The following GINS3 variants were observed in gnomAD, a reference collection of about 807,000 sequenced individuals.
GINS3 encodes DNA replication complex GINS protein PSF3.
GINS3 carries 18 observed loss-of-function variants against 20.0 expected under a neutral mutation model. The ratio of observed to expected loss-of-function variants is 0.90; its 90% CI spans 0.62 to 1.33. The LOEUF (loss-of-function observed/expected upper bound fraction) is 1.33, where lower values mean the gene tolerates loss of function less well. Ranked by LOEUF, GINS3 falls within the 40% of genes most tolerant of loss-of-function variation. The pLI is 0.00. For missense variants in GINS3, 254 were observed against 273.6 expected (o/e 0.93, Z 0.51); for synonymous variants, 109 against 107.0 (o/e 1.02, Z -0.12).
At chr16:58,403,656 G>A in intron 2 of GINS3, 1 of 299,092 alleles carries the variant, frequency 3.3e-6, no homozygotes, top group Non-Finnish European at 6.3e-6. Context: ...CAGCACTTTG[G>A]GAGGCCAAGG....
rs1966010560 is a variant in GINS3 at position 58,404,995 on chromosome 16, T to C, written c.*266T>C. The C allele has an allele frequency of 6.9e-6, 3 of 431,796 alleles. No homozygotes were observed. The Admixed American group carries it at 1.1e-4, about 16-fold the overall frequency. 26.7% of individuals were successfully genotyped at this position (431,796 alleles called of 1,614,324 possible). On this transcript the variant is annotated 3_prime_UTR_variant, in exon 3 of 3. Transcript: ENST00000318129. The stretch of plus-strand genomic sequence containing the variant: ...ATGGCCAAGGAGAAATCAAAGTCCT[T>C]CCTAAATAAGAATCACTGCCATATA...
intron 1 of GINS3, among the ~76,000 whole-genome samples, chr16:58,402,267 C>A (rs142557540): frequency 6.6e-6 from 1 of 152,104 alleles, no homozygotes; most frequent in African/African-American, 2.4e-5. Flanking sequence ...TTAAAGTTGG[C>A]GCCTAATTTC....
chr16:58,403,479 A>G, intron 2 of GINS3, 148 bp downstream of exon 2: 1 of 604,360 alleles, frequency 1.7e-6, no homozygotes, highest in Non-Finnish European at 2.9e-6. Context: ...TGTCCATTTT[A>G]TATATTTACA....
chr16:58,405,255 C>CTG lies in GINS3; in HGVS notation c.*526_*527insTG. 6.5e-6 allele frequency: 1 copy of CTG among 153,564 alleles called. No homozygotes were observed. Among genetic ancestry groups the CTG allele is most frequent in the East Asian group, 1.9e-4 (1 of 5,216 alleles). 9.5% of individuals were successfully genotyped at this position (153,564 alleles called of 1,614,324 possible). A position where few individuals can be genotyped will look rare whatever the true frequency, so the allele number is the denominator to read the frequency against. ...TGCTGCCTGCCTGCAGGGAGTTACC[C>CTG]CAGTTTCCAAAAACAGTCGCCCAGA... is the stretch of plus-strand genomic sequence containing the variant. On this transcript the variant is annotated 3_prime_UTR_variant, in exon 3 of 3. Transcript: ENST00000318129.
rs1215376636 is a variant in GINS3, at chr16:58,403,252, C to T, written c.341C>T (p.Pro114Leu). The change falls in exon 2 of 3, where the codon CCC becomes CTC. Residue 114 changes from proline (P) to leucine (L), a missense_variant. Transcript: ENST00000318129. Reference protein sequence around the residue: ...PNVVDLHKMGPHFYGFGSQLL... With the variant: ...PNVVDLHKMGLHFYGFGSQLL... ...GTGGTGGACCTCCACAAAATGGGGC[C>T]CCATTTCTACGGGTTTGGCTCCCAG... is the stretch of plus-strand genomic sequence containing the variant. 1.9e-6 allele frequency: 3 copies of T among 1,613,988 alleles called. No homozygotes were observed. Among genetic ancestry groups the T allele is most frequent in the African/African-American group, 2.7e-5 (2 of 74,896 alleles).
chr16:58,394,587 T>A (rs1965823447), intron 1 of GINS3, among the ~76,000 whole-genome samples: 1 of 152,178 alleles, frequency 6.6e-6, no homozygotes, highest in South Asian at 2.1e-4. Context: ...CTTCAAGTGA[T>A]CCACCCAACT....
rs1389182514 is a variant in GINS3, at chr16:58,394,271, A to T, written c.186+1484A>T. On this transcript the variant is annotated intron_variant, in intron 1 of 2. Transcript: ENST00000318129. ...TCTAATGACCTCGACGGTTTTGTGG[A>T]GTGGTGGTCAGGTATTTTGTAAAAT... 2.0e-5 allele frequency among the ~76,000 whole-genome samples: 3 copies of T among 152,114 alleles called. No homozygotes were observed. The East Asian group carries it at 5.8e-4, about 29-fold the overall frequency.
At chr16:58,392,836 C>G in intron 1 of GINS3, 49 bp downstream of exon 1, 1 of 1,512,254 alleles carries the variant, frequency 6.6e-7, no homozygotes, top group South Asian at 1.2e-5. Flanking sequence ...CAGCTCCCGG[C>G]GGGCCCCTCG....
intron 1 of GINS3, among the ~76,000 whole-genome samples, chr16:58,401,153 CCGAAGACCCT>C (rs1167833895): frequency 6.6e-6 from 1 of 152,024 alleles, no homozygotes; most frequent in African/African-American, 2.4e-5. Flanking sequence ...AAGAATGAAG[CCGAAGACCCT>C]TGTGGTGAGT....
In GINS3 at chr16:58,396,125, C is replaced by T. The variant is rs1185586908; in HGVS notation, c.186+3338C>T. On this transcript the variant is annotated intron_variant, in intron 1 of 2. Transcript: ENST00000318129. ...CCTCCCTCCCGGACGGGGCGGCTGGCTGGGTGGGGGGCTGACCCCCCCACC... is the reference window on the plus strand; with the variant it reads ...CCTCCCTCCCGGACGGGGCGGCTGGTTGGGTGGGGGGCTGACCCCCCCACC... Among the ~76,000 whole-genome samples, 3 of 137,026 alleles carry T rather than the reference C, an allele frequency of 2.2e-5. No homozygotes were observed. In the East Asian group the frequency reaches 7.0e-4, roughly 32 times the overall value. 89.9% of individuals were successfully genotyped at this position (137,026 alleles called of 152,430 possible).
At position 58,404,680 on chromosome 16, in the gene GINS3, A is replaced by G. The variant is rs771528799; in HGVS notation, c.602A>G (p.Asn201Ser). The change falls in exon 3 of 3, where the codon AAC becomes AGC. Residue 201 changes from asparagine to serine, a missense_variant. Asn to Ser is a conservative substitution (Grantham distance 46, BLOSUM62 1). Transcript: ENST00000318129. ...KGQASQITASNLVQNYKKRKF... is the reference protein window; with the variant it reads ...KGQASQITASSLVQNYKKRKF... The stretch of plus-strand genomic sequence containing the variant: ...CAGGCTTCTCAGATCACAGCTTCCA[A>G]CCTCGTTCAGAATTACAAGAAGAGA... The G allele has an allele frequency of 3.1e-6, 5 of 1,614,080 alleles. No homozygotes were observed. The highest frequency in any genetic ancestry group is 4.2e-6 in the Non-Finnish European group (5 of 1,180,010).
In GINS3 at chr16:58,392,540, C is replaced by T; in HGVS notation, c.-62C>T. 4.5e-6 allele frequency: 7 copies of T among 1,570,866 alleles called. No homozygotes were observed. The highest frequency in any genetic ancestry group is 6.1e-6 in the Non-Finnish European group (7 of 1,147,570). ...GTCTCCGCTTCCCCGTCTTGTACACCCCTAACTCCTGAGGCTCCTCCGAAT... is the reference window on the plus strand; with the variant it reads ...GTCTCCGCTTCCCCGTCTTGTACACTCCTAACTCCTGAGGCTCCTCCGAAT... On this transcript the variant is annotated 5_prime_UTR_variant, in exon 1 of 3. Coordinates refer to ENST00000318129, the MANE Select transcript of GINS3 (RefSeq NM_022770.4).
In GINS3 at chr16:58,392,594, T is replaced by A. The variant is rs1168912787; in HGVS notation, c.-8T>A. ...GCGAGTGGAAGCGGAGAAGCTCAAG[T>A]GGCCGCCATGTCAGAGGCTTATTTC... is the stretch of plus-strand genomic sequence containing the variant. On this transcript the variant is annotated 5_prime_UTR_variant, in exon 1 of 3. Transcript: ENST00000318129. 1 of 1,613,486 alleles carries A rather than the reference T, an allele frequency of 6.2e-7. No homozygotes were observed. Among genetic ancestry groups the A allele is most frequent in the Non-Finnish European group, 8.5e-7 (1 of 1,179,458 alleles).
intron 1 of GINS3, among the ~76,000 whole-genome samples, chr16:58,402,100 T>C (rs536536813): frequency 6.6e-6 from 1 of 152,326 alleles, no homozygotes; most frequent in East Asian, 1.9e-4. Context: ...GATACTTTAG[T>C]CTGGTTATTT....
intron 1 of GINS3, among the ~76,000 whole-genome samples, chr16:58,398,848 A>G (rs1965916692): frequency 6.6e-6 from 1 of 152,222 alleles, no homozygotes; most frequent in Admixed American, 6.5e-5. Context: ...GACTTGCTCT[A>G]TGGCAAAGCA....
At position 58,405,611 on chromosome 16, in the gene GINS3, T is replaced by C. The variant is rs1323318578; in HGVS notation, c.*882T>C. 1.3e-5 allele frequency: 2 copies of C among 151,914 alleles called. No homozygotes were observed. Among genetic ancestry groups the C allele is most frequent in the African/African-American group, 2.4e-5 (1 of 41,390 alleles). 9.4% of individuals were successfully genotyped at this position (151,914 alleles called of 1,614,324 possible). ...AGGGCCCTGTTTTCAAAATCTAACATTGCAAGTGTAAATGGGCAAGAAGCC... is the reference window on the plus strand; with the variant it reads ...AGGGCCCTGTTTTCAAAATCTAACACTGCAAGTGTAAATGGGCAAGAAGCC... On this transcript the variant is annotated 3_prime_UTR_variant, in exon 3 of 3. Transcript: ENST00000318129.
At chr16:58,395,471 C>G (rs1426428654) in intron 1 of GINS3, among the ~76,000 whole-genome samples, 1 of 151,282 alleles carries the variant, frequency 6.6e-6, no homozygotes, top group African/African-American at 2.4e-5. Context: ...GGCAGAGGAC[C>G]CTGCGGCCTT....
rs779937097 is a variant in GINS3, at chr16:58,398,710, T to TCAAA, written c.187-4388_187-4387insCAAA. Among the ~76,000 whole-genome samples, 174 of 152,378 alleles carry TCAAA rather than the reference T, an allele frequency of 1.1e-3. No homozygotes were observed. The Middle Eastern group carries it at 0.014, about 12-fold the overall frequency. On this transcript the variant is annotated intron_variant, in intron 1 of 2. Coordinates refer to ENST00000318129, the MANE Select transcript of GINS3 (RefSeq NM_022770.4). ...TGTGATTTCTTTTTTGACCTGTAGG[T>TCAAA]ATTTAGAAGACTAGTGCTTAATTTC...
At position 58,403,494 on chromosome 16, in the gene GINS3, TACACACACAC is replaced by T. The variant is rs3833044; in HGVS notation, c.420+181_420+190del. 1.6e-3 allele frequency: 878 copies of T among 558,176 alleles called. 8 individuals are homozygous for T. The East Asian group carries it at 0.024, about 15-fold the overall frequency. 34.6% of individuals were successfully genotyped at this position (558,176 alleles called of 1,614,324 possible). A position where few individuals can be genotyped will look rare whatever the true frequency, so the allele number is the denominator to read the frequency against. On this transcript the variant is annotated intron_variant, in intron 2 of 2. Coordinates refer to ENST00000318129, the MANE Select transcript of GINS3 (RefSeq NM_022770.4). ...TGTCCATTTTATATATTTACATATA[TACACACACAC>T]ACACACACACACACACATTTTTTTA...
Sources: gnomAD v4.1 joint callset for allele counts (sites outside exome capture counted in the v4.1 genomes callset) on GRCh38, gnomAD v4.1.1 for gene constraint, MANE v1.5 for transcripts, NCBI Gene and HGNC (gene_info 2026-07-23, HGNC 2026-07-21) for gene names.